Variants in PCDH11X observed in about 807,000 individuals in gnomAD.
PCDH11X encodes protocadherin 11 X-linked, also known as protocadherin-11 X-linked.
A neutral mutation model predicts 53.3 loss-of-function variants in PCDH11X; 18 were observed. That is an observed-to-expected ratio of 0.34 (90% CI 0.23 to 0.50). The LOEUF is 0.50. PCDH11X is among the 20% of genes least tolerant of loss of function. The pLI is 0.98. For synonymous variants in PCDH11X, 279 were observed against 393.3 expected (o/e 0.71, Z 3.44); for missense variants, 570 against 1,032.4 (o/e 0.55, Z 6.14).
intron 6 of PCDH11X, among the ~76,000 whole-genome samples, chrX:92,046,010 T>C (rs1283307958): frequency 9.1e-6 from 1 of 110,399 alleles, no homozygotes; most frequent in Non-Finnish European, 1.9e-5. Context: ...CTGTCTCTAA[T>C]ATGTTTCACT....
At chrX:91,950,371 A>G (rs2061623645) in intron 6 of PCDH11X, among the ~76,000 whole-genome samples, 2 of 108,449 alleles carry the variant, frequency 1.8e-5, no homozygotes, top group East Asian at 2.9e-4. Context: ...GCATATCCAT[A>G]GCTTAGCACC....
Position 92,488,187 on chromosome X carries a change from C to T in PCDH11X, c.3367+19865C>T, listed in dbSNP as rs1412030755. Among the ~76,000 whole-genome samples, 3 of 109,390 alleles carry T rather than the reference C, an allele frequency of 2.7e-5. 1 individual carries two copies. The highest frequency in any genetic ancestry group is 2.0e-4 in the Admixed American group (2 of 10,181). The allele number at this position is 109,390 out of a possible 115,157, so 95.0% of individuals were successfully genotyped here. ...CAGTATCATCTTTGTGAAGTGAGAG[C>T]GCATCATCAGATTATAAGAAATGAC... On this transcript the variant is annotated intron_variant, in intron 10 of 10. Transcript: ENST00000682573.
chrX:91,910,073 T>C (rs1219632564), intron 6 of PCDH11X, among the ~76,000 whole-genome samples: 8 of 111,027 alleles, frequency 7.2e-5, no homozygotes, highest in Admixed American at 5.8e-4. Flanking sequence ...TGTCCAGTAG[T>C]AGTGAGCATT....
At position 92,266,149 on chromosome X, in the gene PCDH11X, C is replaced by T. The variant is rs987165319; in HGVS notation, c.3144+3006C>T. 2.7e-5 allele frequency among the ~76,000 whole-genome samples: 3 copies of T among 111,683 alleles called. No individual in the cohort carries two copies. In the Admixed American group the frequency reaches 2.9e-4, roughly 11 times the overall value. ...GATATTAAATTCAAGAAGCTATAAA[C>T]TTTAAATATATTAAGTGTCAGAATA... On this transcript the variant is annotated intron_variant, in intron 8 of 10. Coordinates refer to ENST00000682573, the MANE Select transcript of PCDH11X (RefSeq NM_032968.5).
rs187888152 is a variant in PCDH11X at position 92,299,106 on chromosome X, G to C, written c.3144+35963G>C. 6.3e-5 allele frequency among the ~76,000 whole-genome samples: 7 copies of C among 110,908 alleles called. No homozygotes were observed. In the East Asian group the frequency reaches 2.0e-3, roughly 32 times the overall value. ...GGGAGTTCCTTTAGTCCCCAATAAA[G>C]CTTGTTTGTGGAGGCCTGCGGAGTT... is the stretch of plus-strand genomic sequence containing the variant. On this transcript the variant is annotated intron_variant, in intron 8 of 10. Coordinates refer to ENST00000682573, the MANE Select transcript of PCDH11X (RefSeq NM_032968.5).
intron 5 of PCDH11X, among the ~76,000 whole-genome samples, chrX:91,860,510 G>A (rs1938600591): frequency 9.0e-6 from 1 of 111,230 alleles, no homozygotes; most frequent in African/African-American, 3.3e-5. Flanking sequence ...TTGAATAGGA[G>A]TGGTGAGAGA....
chrX:92,342,944 T>C lies in PCDH11X; in HGVS notation c.3145-44791T>C, dbSNP rs779547860. ...TTTTCTTATAGATGATGAAATGATT[T>C]CTATTTTGTGCTCTCCAATTGCTAA... On this transcript the variant is annotated intron_variant, in intron 8 of 10. Coordinates refer to ENST00000682573, the MANE Select transcript of PCDH11X (RefSeq NM_032968.5). Among the ~76,000 whole-genome samples the C allele has an allele frequency of 2.3e-4, 26 of 112,442 alleles. No individual in the cohort carries two copies. The South Asian group carries it at 9.5e-3, about 41-fold the overall frequency.
rs1302812518 is a variant in PCDH11X at position 91,994,757 on chromosome X, C to T, written c.3033+115484C>T. 2.7e-5 allele frequency among the ~76,000 whole-genome samples: 3 copies of T among 111,350 alleles called. No homozygotes were observed. The East Asian group carries it at 8.5e-4, about 32-fold the overall frequency. ...ATAATGGCTGTACGAATTTACATCC[C>T]CACCCACAGTTTACAAGGGTTCCCT... On this transcript the variant is annotated intron_variant, in intron 6 of 10. Transcript: ENST00000682573.
chrX:92,505,396 C>T (rs1306368932), intron 10 of PCDH11X, among the ~76,000 whole-genome samples: 4 of 109,553 alleles, frequency 3.7e-5, no homozygotes, highest in Admixed American at 9.8e-5. Context: ...AGGAAGGGGT[C>T]CTGTTTCAAT....
chrX:91,922,518 G>T (rs1389339697), intron 6 of PCDH11X, among the ~76,000 whole-genome samples: 3 of 111,808 alleles, frequency 2.7e-5, no homozygotes, highest in African/African-American at 9.8e-5. Context: ...GGCGGGCAAA[G>T]AAATGAAGCT....
Position 91,878,519 on chromosome X carries a change from A to C in PCDH11X, c.2279A>C (p.Asp760Ala). 1 of 1,211,056 alleles carries C rather than the reference A, an allele frequency of 8.3e-7. No homozygotes were observed. The highest frequency in any genetic ancestry group is 1.1e-6 in the Non-Finnish European group (1 of 895,318). ...LVKANDLGQPDSLFSVVIVNL... is the reference protein window; with the variant it reads ...LVKANDLGQPASLFSVVIVNL... ...AAAGCTAATGACTTAGGACAGCCTG[A>C]TTCTCTCTTCAGTGTTGTAATTGTC... is the stretch of plus-strand genomic sequence containing the variant. The change falls in exon 6 of 11, where the codon GAT becomes GCT. Residue 760 changes from aspartate (D) to alanine (A), a missense_variant. By Grantham distance (126) the Asp-to-Ala change is moderately radical. This residue lies in a region of PCDH11X where 226 missense variants were observed against 457.5 expected (regional missense o/e 0.49). Transcript: ENST00000682573.
Position 92,424,117 on chromosome X carries a change from A to C in PCDH11X, c.3343+36184A>C, listed in dbSNP as rs1370583852. ...ACAATATTGATTCTATCCATTCATA[A>C]GTGTGGAATTTGTTTGTGTTGTCTG... On this transcript the variant is annotated intron_variant, in intron 9 of 10. Transcript: ENST00000682573. 1.6e-4 allele frequency among the ~76,000 whole-genome samples: 15 copies of C among 95,513 alleles called. 3 individuals are homozygous for C. Among genetic ancestry groups the C allele is most frequent in the Non-Finnish European group, 3.4e-4 (15 of 43,535 alleles). The allele number at this position is 95,513 out of a possible 115,157, so 82.9% of individuals were successfully genotyped here. A position where few individuals can be genotyped will look rare whatever the true frequency, so the allele number is the denominator to read the frequency against.
intron 1 of PCDH11X, among the ~76,000 whole-genome samples, chrX:91,791,123 G>C (rs1265487721): frequency 9.3e-6 from 1 of 108,030 alleles, no homozygotes; most frequent in Non-Finnish European, 1.9e-5. Context: ...ATGAACTTGA[G>C]TGTCTGCCAA....
chrX:92,383,519 C>A (rs910150063), intron 8 of PCDH11X, among the ~76,000 whole-genome samples: 3 of 110,240 alleles, frequency 2.7e-5, no homozygotes, highest in African/African-American at 9.9e-5. Context: ...TGTTTCCCTC[C>A]CTGTGTCCAT....
At chrX:92,267,460 C>A (rs771231623) in intron 8 of PCDH11X, among the ~76,000 whole-genome samples, 1 of 112,443 alleles carries the variant, frequency 8.9e-6, no homozygotes, top group East Asian at 2.8e-4. Context: ...AAAAGCCATT[C>A]TCTGTCATTG....
chrX:91,922,227 G>A (rs1941768995), intron 6 of PCDH11X, among the ~76,000 whole-genome samples: 3 of 111,575 alleles, frequency 2.7e-5, no homozygotes, highest in South Asian at 7.5e-4. Context: ...CATTCTACTG[G>A]CATATATCAT....
chrX:92,032,999 G>T (rs2063075253), intron 6 of PCDH11X, among the ~76,000 whole-genome samples: 1 of 107,097 alleles, frequency 9.3e-6, no homozygotes. Flanking sequence ...TAGCTATAGG[G>T]TTTCTCCATG....
At chrX:92,471,677 T>G (rs1203570128) in intron 10 of PCDH11X, among the ~76,000 whole-genome samples, 6 of 107,786 alleles carry the variant, frequency 5.6e-5, no homozygotes, top group African/African-American at 2.0e-4. Context: ...GGTCTTTGAG[T>G]AATTGCCACA....
intron 9 of PCDH11X, among the ~76,000 whole-genome samples, chrX:92,404,600 G>A (rs1050526295): frequency 1.8e-5 from 2 of 108,433 alleles, no homozygotes; most frequent in Non-Finnish European, 3.8e-5. Flanking sequence ...ATATCCTACT[G>A]TTTGTTATTT....
Sources: gnomAD v4.1 joint callset for allele counts (sites outside exome capture counted in the v4.1 genomes callset) on GRCh38, gnomAD v4.1.1 for gene constraint, gnomAD v4.1.1 regional missense constraint, MANE v1.5 for transcripts, NCBI Gene and HGNC (gene_info 2026-07-23, HGNC 2026-07-21) for gene names.